The following NUDT2 variants were observed in gnomAD, a reference collection of about 807,000 sequenced individuals.
The protein encoded by NUDT2 is nudix hydrolase 2.
In NUDT2, 12 loss-of-function variants were observed where a neutral mutation model predicts 14.2. The ratio of observed to expected loss-of-function variants is 0.84; its 90% CI spans 0.54 to 1.37. NUDT2 has a LOEUF of 1.37. NUDT2 is among the 40% of genes most tolerant of loss of function. The pLI is 0.00. For missense variants in NUDT2, 167 were observed against 176.7 expected, an observed-to-expected ratio of 0.95 and a Z score of 0.31; for synonymous variants, 67 against 67.4, an observed-to-expected ratio of 0.99 and a Z score of 0.03.
At chr9:34,339,824 CA>C (rs1292373574) in intron 4 of NUDT2, among the ~76,000 whole-genome samples, 11 of 152,186 alleles carry the variant, frequency 7.2e-5, no homozygotes, top group Non-Finnish European at 1.5e-4. Flanking sequence ...GCCTGGACAA[CA>C]GAGCCTGTCT....
At chr9:34,341,977 G>C (rs924468532) in intron 4 of NUDT2, among the ~76,000 whole-genome samples, 4 of 152,206 alleles carry the variant, frequency 2.6e-5, no homozygotes, top group Non-Finnish European at 5.9e-5. Flanking sequence ...TGTAGACAGA[G>C]TCTGCCAGAC....
intron 1 of NUDT2, among the ~76,000 whole-genome samples, chr9:34,330,939 C>T (rs1182107965): frequency 6.6e-6 from 1 of 151,138 alleles, no homozygotes; most frequent in Non-Finnish European, 1.5e-5. Flanking sequence ...CCAGCCTGGG[C>T]GACAGAGGGA....
chr9:34,343,576 A>G lies in NUDT2; in HGVS notation c.*136A>G. ...AGAGCAGATTTGTGAAATCGGCTCAACTCCCAGGTGAGAGCAAGCAAAAAT... is the reference window on the plus strand; with the variant it reads ...AGAGCAGATTTGTGAAATCGGCTCAGCTCCCAGGTGAGAGCAAGCAAAAAT... On this transcript the variant is annotated 3_prime_UTR_variant, in exon 5 of 5. Coordinates refer to ENST00000379158, the MANE Select transcript of NUDT2 (RefSeq NM_001161.5). 1.3e-6 allele frequency: 1 copy of G among 791,064 alleles called. No homozygotes were observed. The highest frequency in any genetic ancestry group is 2.8e-5 in the East Asian group (1 of 36,310). 49.0% of individuals were successfully genotyped at this position (791,064 alleles called of 1,614,324 possible). A position where few individuals can be genotyped will look rare whatever the true frequency, so the allele number is the denominator to read the frequency against.
intron 4 of NUDT2, among the ~76,000 whole-genome samples, chr9:34,341,313 G>C (rs1309235743): frequency 6.6e-6 from 1 of 152,180 alleles, no homozygotes; most frequent in Non-Finnish European, 1.5e-5. Flanking sequence ...GGTGTGCTCA[G>C]GGACTTCCAT....
intron 2 of NUDT2, among the ~76,000 whole-genome samples, chr9:34,337,652 C>T (rs184021018): frequency 1.5e-3 from 225 of 152,126 alleles, no homozygotes; most frequent in African/African-American, 5.1e-3. Context: ...TCTGTTTGGG[C>T]CTGATTTTTA....
In NUDT2 at chr9:34,339,585, A is replaced by G. The variant is rs559841129; in HGVS notation, c.127+419A>G. 2.6e-5 allele frequency among the ~76,000 whole-genome samples: 4 copies of G among 152,314 alleles called. No individual in the cohort carries two copies. In the South Asian group the frequency reaches 6.2e-4, roughly 24 times the overall value. ...CAGCCAGGCACAGTGGCACACGCCT[A>G]TAATCCCAGCACTTTTGGAGGTCGA... On this transcript the variant is annotated intron_variant, in intron 4 of 4. Coordinates refer to ENST00000379158, the MANE Select transcript of NUDT2 (RefSeq NM_001161.5).
intron 2 of NUDT2, among the ~76,000 whole-genome samples, chr9:34,337,590 A>G (rs1178749024): frequency 2.0e-5 from 3 of 152,186 alleles, no homozygotes; most frequent in African/African-American, 7.2e-5. Flanking sequence ...GCTATTCTCT[A>G]GAGTAACATT....
chr9:34,332,573 G>C (rs1388349202), intron 1 of NUDT2, among the ~76,000 whole-genome samples: 1 of 152,126 alleles, frequency 6.6e-6, no homozygotes, highest in Non-Finnish European at 1.5e-5. Flanking sequence ...GCACTAATAG[G>C]CTGCTTAACA....
At chr9:34,330,523 C>G (rs986472228) in intron 1 of NUDT2, among the ~76,000 whole-genome samples, 6 of 152,076 alleles carry the variant, frequency 3.9e-5, no homozygotes, top group African/African-American at 1.4e-4. Context: ...ACATTTGAGT[C>G]ACTTACCCAG....
At position 34,339,946 on chromosome 9, in the gene NUDT2, T is replaced by TC. The variant is rs1386381060; in HGVS notation, c.127+780_127+781insC. Among the ~76,000 whole-genome samples the TC allele has an allele frequency of 2.0e-5, 3 of 152,118 alleles. No homozygotes were observed. The East Asian group carries it at 5.8e-4, about 29-fold the overall frequency. On this transcript the variant is annotated intron_variant, in intron 4 of 4. Transcript: ENST00000379158. Reference sequence around the variant, plus strand: ...TATCATTAGGTTTTTCTTTTCTTTTTTTTTTTGAGACAAAGTCTCGCTTTG... The same window carrying TC: ...TATCATTAGGTTTTTCTTTTCTTTTTCTTTTTTGAGACAAAGTCTCGCTTTG...
At chr9:34,333,381 C>G (rs1000272276) in intron 1 of NUDT2, among the ~76,000 whole-genome samples, 1 of 152,050 alleles carries the variant, frequency 6.6e-6, no homozygotes, top group Non-Finnish European at 1.5e-5. Context: ...AATCCCAGCA[C>G]TTTGGGAGGC....
chr9:34,336,308 T>C lies in NUDT2; in HGVS notation c.-185T>C, dbSNP rs1418286421. ...AGATCTTTGTTCACCAGTTCTACAG[T>C]GATGGGGTGCTTCCTTTTGGCTTCT... is the stretch of plus-strand genomic sequence containing the variant. On this transcript the variant is annotated 5_prime_UTR_variant, in exon 2 of 5. Transcript: ENST00000379158. 1 of 152,154 alleles carries C rather than the reference T, an allele frequency of 6.6e-6. No homozygotes were observed. Among genetic ancestry groups the C allele is most frequent in the Non-Finnish European group, 1.5e-5 (1 of 68,026 alleles). The allele number at this position is 152,154 out of a possible 1,614,324, so 9.4% of individuals were successfully genotyped here. A position where few individuals can be genotyped will look rare whatever the true frequency, so the allele number is the denominator to read the frequency against.
chr9:34,330,960 CA>C (rs545737165), intron 1 of NUDT2, among the ~76,000 whole-genome samples: 158 of 137,702 alleles, frequency 1.1e-3, no homozygotes, highest in African/African-American at 3.4e-3. Context: ...GACTCCGTCT[CA>C]AAAAAAAAAA....
intron 1 of NUDT2, among the ~76,000 whole-genome samples, chr9:34,333,644 C>CAAAAAAAAA (rs34830977): frequency 6.4e-5 from 3 of 47,088 alleles, no homozygotes; most frequent in Non-Finnish European, 1.1e-4. Context: ...GAGACATTGT[C>CAAAAAAAAA]AAAAAAAAAA....
intron 1 of NUDT2, among the ~76,000 whole-genome samples, chr9:34,333,198 A>G (rs1393359469): frequency 5.3e-5 from 8 of 152,192 alleles, no homozygotes. Context: ...CTGAGGCTAC[A>G]TTTTACCCCT....
intron 1 of NUDT2, among the ~76,000 whole-genome samples, chr9:34,330,664 C>A (rs767436709): frequency 4.6e-5 from 7 of 152,154 alleles, no homozygotes; most frequent in Non-Finnish European, 8.8e-5. Context: ...GTAGTAACTT[C>A]TTAAAAAATG....
intron 1 of NUDT2, among the ~76,000 whole-genome samples, chr9:34,332,501 G>C (rs377138891): frequency 6.6e-6 from 1 of 152,072 alleles, no homozygotes; most frequent in Non-Finnish European, 1.5e-5. Flanking sequence ...ACTGTCTGTC[G>C]CATGGGATAC....
At chr9:34,330,200 G>C (rs567268902) in intron 1 of NUDT2, among the ~76,000 whole-genome samples, 1 of 152,278 alleles carries the variant, frequency 6.6e-6, no homozygotes, top group Non-Finnish European at 1.5e-5. Flanking sequence ...TCAGGAGATC[G>C]AGACCATCCT....
chr9:34,332,259 G>A (rs541517672), intron 1 of NUDT2, among the ~76,000 whole-genome samples: 4 of 152,162 alleles, frequency 2.6e-5, no homozygotes, highest in Admixed American at 6.5e-5. Flanking sequence ...CCCTTTGCTG[G>A]CAGTGCCTTG....
Sources: gnomAD v4.1 joint callset for allele counts (sites outside exome capture counted in the v4.1 genomes callset) on GRCh38, gnomAD v4.1.1 for gene constraint, MANE v1.5 for transcripts, NCBI Gene and HGNC (gene_info 2026-07-23, HGNC 2026-07-21) for gene names.